The following CNIH3 variants were observed in gnomAD, a reference collection of about 807,000 sequenced individuals.
CNIH3 encodes the protein cornichon family AMPA receptor auxiliary protein 3.
In CNIH3, 14 loss-of-function variants were observed where a neutral mutation model predicts 24.1. The ratio of observed to expected loss-of-function variants is 0.58; its 90% CI spans 0.38 to 0.91. The LOEUF is 0.91. Among genes scored for constraint, CNIH3 ranks in the 40% least tolerant of loss-of-function variants. The probability of loss-of-function intolerance (pLI) is 0.00; values close to 1 mark genes in which losing one functional copy is unlikely to be tolerated. For missense variants in CNIH3, 178 were observed against 196.8 expected (o/e 0.90, Z 0.57); for synonymous variants, 68 against 73.8 (o/e 0.92, Z 0.40).
chr1:224,498,543 T>C (rs926733314), intron 1 of CNIH3, among the ~76,000 whole-genome samples: 1 of 152,222 alleles, frequency 6.6e-6, no homozygotes, highest in African/African-American at 2.4e-5. Context: ...TAAACTATGT[T>C]GGTAGAGGGT....
At chr1:224,452,781 CA>C (rs1173499027) in intron 1 of CNIH3, among the ~76,000 whole-genome samples, 312 of 44,296 alleles carry the variant, frequency 7.0e-3, no homozygotes, top group African/African-American at 0.015. Context: ...AACTCTGTCT[CA>C]AAAAAAAAAA....
At chr1:224,639,295 G>C (rs1684242153) in intron 1 of CNIH3, among the ~76,000 whole-genome samples, 1 of 152,188 alleles carries the variant, frequency 6.6e-6, no homozygotes, top group Non-Finnish European at 1.5e-5. Flanking sequence ...ACCTGGATGG[G>C]GTCCTCATGT....
downstream of CNIH3, among the ~76,000 whole-genome samples, chr1:224,538,830 AT>A (rs71574506): frequency 0.023 from 2,840 of 124,130 alleles, 95 homozygotes; most frequent in African/African-American, 0.08. Flanking sequence ...AGCTAATTAC[AT>A]TTTTTTTTTT....
chr1:224,560,790 A>T (rs2124982881), intron 3 of CNIH3, among the ~76,000 whole-genome samples: 1 of 152,264 alleles, frequency 6.6e-6, no homozygotes, highest in Non-Finnish European at 1.5e-5. Context: ...GTAATAATAG[A>T]AATAAAGTGC....
intron 1 of CNIH3, among the ~76,000 whole-genome samples, chr1:224,656,318 TA>T (rs1236280758): frequency 6.6e-6 from 1 of 152,212 alleles, no homozygotes; most frequent in Admixed American, 6.5e-5. Flanking sequence ...CACATTGAAC[TA>T]AAGTAATTAA....
intron 1 of CNIH3, among the ~76,000 whole-genome samples, chr1:224,655,593 A>G (rs1685059440): frequency 6.6e-6 from 1 of 152,212 alleles, no homozygotes; most frequent in South Asian, 2.1e-4. Context: ...AACATGGAAC[A>G]CTAGGCCTTT....
At chr1:224,686,884 A>G (rs1271226958) in intron 3 of CNIH3, among the ~76,000 whole-genome samples, 1 of 152,240 alleles carries the variant, frequency 6.6e-6, no homozygotes, top group Non-Finnish European at 1.5e-5. Context: ...TATCGTTTGC[A>G]TAAGTTCCTA....
intron 1 of CNIH3, among the ~76,000 whole-genome samples, chr1:224,492,881 G>T (rs1454798664): frequency 6.6e-6 from 1 of 152,118 alleles, no homozygotes; most frequent in East Asian, 1.9e-4. Context: ...TTCTGAGTTT[G>T]TAACAGAGGC....
chr1:224,544,420 A>G (rs922710767), intron 2 of CNIH3, among the ~76,000 whole-genome samples: 1 of 152,182 alleles, frequency 6.6e-6, no homozygotes, highest in Admixed American at 6.5e-5. Context: ...CAGATAATCA[A>G]TCCCAGATCC....
At chr1:224,560,779 T>G (rs1680337563) in intron 3 of CNIH3, among the ~76,000 whole-genome samples, 1 of 152,038 alleles carries the variant, frequency 6.6e-6, no homozygotes, top group South Asian at 2.1e-4. Context: ...TATATTACAA[T>G]GTAATAATAG....
chr1:224,651,543 C>T (rs548111931), intron 1 of CNIH3, among the ~76,000 whole-genome samples: 1 of 152,306 alleles, frequency 6.6e-6, no homozygotes, highest in African/African-American at 2.4e-5. Flanking sequence ...TCATTTGTTT[C>T]TTCGTGTTCG....
intron 3 of CNIH3, among the ~76,000 whole-genome samples, chr1:224,598,532 A>G (rs757073335): frequency 1.3e-5 from 2 of 152,250 alleles, no homozygotes; most frequent in African/African-American, 2.4e-5. Context: ...ATGCTATCAA[A>G]CAGCATTGCA....
chr1:224,524,254 C>G (rs2124919901), intron 2 of CNIH3, among the ~76,000 whole-genome samples: 1 of 152,302 alleles, frequency 6.6e-6, no homozygotes, highest in Admixed American at 6.5e-5. Context: ...GTCAGATCGG[C>G]TGGTCAAGGA....
At chr1:224,661,419 CAAA>C (rs1685349206) in intron 1 of CNIH3, 1 of 239,448 alleles carries the variant, frequency 4.2e-6, no homozygotes, top group Admixed American at 4.9e-5. Flanking sequence ...AATCCTGTCT[CAAA>C]AGAAGAAAAT....
At chr1:224,573,931 A>G (rs1034144880) in intron 4 of CNIH3, among the ~76,000 whole-genome samples, 14 of 152,270 alleles carry the variant, frequency 9.2e-5, no homozygotes, top group African/African-American at 3.4e-4. Flanking sequence ...TTTAAAAAAA[A>G]GCATTATATA....
intron 1 of CNIH3, among the ~76,000 whole-genome samples, chr1:224,659,482 C>T (rs916520911): frequency 1.3e-5 from 2 of 152,134 alleles, no homozygotes; most frequent in Admixed American, 6.6e-5. Flanking sequence ...ATTGCTTCTC[C>T]TTATGGGAAG....
At chr1:224,728,106 T>A (rs529179584) in intron 3 of CNIH3, among the ~76,000 whole-genome samples, 1 of 152,214 alleles carries the variant, frequency 6.6e-6, no homozygotes, top group African/African-American at 2.4e-5. Context: ...TCATTGGAAT[T>A]GGAGATGGAG....
At chr1:224,466,572 A>G (rs371682863) in intron 1 of CNIH3, among the ~76,000 whole-genome samples, 3 of 152,372 alleles carry the variant, frequency 2.0e-5, no homozygotes, top group East Asian at 3.9e-4. Context: ...ATTCATGTAT[A>G]GATTGCAGAG....
At chr1:224,665,565 C>G (rs1288064813) in intron 1 of CNIH3, among the ~76,000 whole-genome samples, 1 of 152,156 alleles carries the variant, frequency 6.6e-6, no homozygotes, top group Non-Finnish European at 1.5e-5. Flanking sequence ...AACAGTGTCT[C>G]CTTACCTGGA....
Sources: gnomAD v4.1 joint callset for allele counts (sites outside exome capture counted in the v4.1 genomes callset) on GRCh38, gnomAD v4.1.1 for gene constraint, MANE v1.5 for transcripts, NCBI Gene and HGNC (gene_info 2026-07-23, HGNC 2026-07-21) for gene names.